Variants in MSH3 observed in about 807,000 individuals in gnomAD.
MSH3 encodes the protein DNA mismatch repair protein Msh3.
In MSH3, 106 loss-of-function variants were observed where a neutral mutation model predicts 123.3. The observed-to-expected ratio is 0.86, with a 90% CI of 0.73 to 1.01. MSH3 has a LOEUF of 1.01. Ranked by LOEUF, MSH3 falls within the 50% of genes least tolerant of loss-of-function variation. The probability of loss-of-function intolerance (pLI) is 0.00; values close to 1 mark genes in which losing one functional copy is unlikely to be tolerated. For synonymous variants in MSH3, 515 were observed against 481.4 expected, an observed-to-expected ratio of 1.07 and a Z score of -0.91; for missense variants, 1,459 against 1,347.6, an observed-to-expected ratio of 1.08 and a Z score of -1.29.
intron 20 of MSH3, among the ~76,000 whole-genome samples, chr5:80,827,467 G>A (rs1278736064): frequency 6.6e-6 from 1 of 152,234 alleles, no homozygotes; most frequent in Non-Finnish European, 1.5e-5. Flanking sequence ...ATTGAGCACT[G>A]ACTGTGGAGT....
At chr5:80,846,663 A>T (rs895514933) in intron 20 of MSH3, among the ~76,000 whole-genome samples, 1 of 152,126 alleles carries the variant, frequency 6.6e-6, no homozygotes, top group African/African-American at 2.4e-5. Context: ...TCGCAGGTTG[A>T]TCTCAGACTG....
rs576051639 is a variant in MSH3 at position 80,694,774 on chromosome 5, G to A, written c.1340+15681G>A. On this transcript the variant is annotated intron_variant, in intron 8 of 23. Transcript: ENST00000265081. Reference sequence around the variant, plus strand: ...TTCTGGGTTGACAATTATTTTTTCAGCACTTGAAAAATATTTTGCCACTTC... The same window carrying A: ...TTCTGGGTTGACAATTATTTTTTCAACACTTGAAAAATATTTTGCCACTTC... Among the ~76,000 whole-genome samples, 192 of 151,822 alleles carry A rather than the reference G, an allele frequency of 1.3e-3. 2 individuals carry two copies. The highest frequency in any genetic ancestry group is 4.5e-3 in the African/African-American group (187 of 41,422).
chr5:80,872,450 CAG>C (rs1188340039), intron 22 of MSH3, among the ~76,000 whole-genome samples: 1 of 151,418 alleles, frequency 6.6e-6, no homozygotes, highest in African/African-American at 2.4e-5. Context: ...GCATGGATGA[CAG>C]AGTCAGACCC....
At chr5:80,808,126 A>G (rs999802493) in intron 19 of MSH3, among the ~76,000 whole-genome samples, 9 of 152,166 alleles carry the variant, frequency 5.9e-5, no homozygotes, top group African/African-American at 1.4e-4. Flanking sequence ...CTTTTTTACA[A>G]TAGTCTTCTA....
At chr5:80,866,016 T>C (rs1746092097) in intron 22 of MSH3, among the ~76,000 whole-genome samples, 1 of 152,234 alleles carries the variant, frequency 6.6e-6, no homozygotes, top group African/African-American at 2.4e-5. Flanking sequence ...ACAAAGAGAA[T>C]AGAGTTCACC....
At chr5:80,715,504 G>C (rs1411716738) in intron 8 of MSH3, 1 of 152,198 alleles carries the variant, frequency 6.6e-6, no homozygotes, top group African/African-American at 2.4e-5. Flanking sequence ...AGTGGTGGGT[G>C]GGGGGTGGTA....
chr5:80,817,759 GA>G (rs1745131109), intron 20 of MSH3, among the ~76,000 whole-genome samples: 1 of 152,028 alleles, frequency 6.6e-6, no homozygotes, highest in Non-Finnish European at 1.5e-5. Context: ...AACCAAGCAG[GA>G]ATGACAAGAA....
chr5:80,869,821 TATACATATATACATATATATAC>T lies in MSH3; in HGVS notation c.3131-3293_3131-3272del, dbSNP rs1164554062. 4.3e-3 allele frequency among the ~76,000 whole-genome samples: 232 copies of T among 54,266 alleles called. 3 individuals carry two copies. Among genetic ancestry groups the T allele is most frequent in the African/African-American group, 0.015 (210 of 13,898 alleles). The allele number at this position is 54,266 out of a possible 152,430, so 35.6% of individuals were successfully genotyped here. On this transcript the variant is annotated intron_variant, in intron 22 of 23. Coordinates refer to ENST00000265081, the MANE Select transcript of MSH3 (RefSeq NM_002439.5). The stretch of plus-strand genomic sequence containing the variant: ...ATATATATACATATATACATATATA[TATACATATATACATATATATAC>T]ACACACACACACACACACACTATAT...
chr5:80,872,979 G>T, intron 22 of MSH3, 137 bp from the exon 23 acceptor site: 1 of 779,696 alleles, frequency 1.3e-6, no homozygotes, highest in South Asian at 1.6e-5. Context: ...TTGATAAATG[G>T]ATCTAACAGG....
chr5:80,830,992 T>A (rs3776978), intron 20 of MSH3, among the ~76,000 whole-genome samples: 21,506 of 152,168 alleles, frequency 0.14, 1,563 homozygotes, highest in East Asian at 0.24. Flanking sequence ...AGAGAAACTT[T>A]TTTTTCTATT....
At chr5:80,792,884 C>A in intron 19 of MSH3, 40 bp downstream of exon 19, 1 of 1,315,762 alleles carries the variant, frequency 7.6e-7, no homozygotes, top group Non-Finnish European at 1.1e-6. Flanking sequence ...ATGATAACAT[C>A]CCAAACTTTT....
intron 8 of MSH3, among the ~76,000 whole-genome samples, chr5:80,684,925 GTTTT>G (rs1042676653): frequency 2.0e-5 from 3 of 150,304 alleles, no homozygotes; most frequent in Non-Finnish European, 4.4e-5. Flanking sequence ...ATGATTATGT[GTTTT>G]TTTTTCTTCA....
chr5:80,784,055 C>T (rs956431985), intron 17 of MSH3, among the ~76,000 whole-genome samples: 3 of 151,372 alleles, frequency 2.0e-5, no homozygotes, highest in African/African-American at 7.3e-5. Flanking sequence ...ACTAAAAGTA[C>T]AAAAATTTGC....
intron 8 of MSH3, among the ~76,000 whole-genome samples, chr5:80,723,260 A>G (rs1346875731): frequency 6.6e-6 from 1 of 152,184 alleles, no homozygotes; most frequent in Non-Finnish European, 1.5e-5. Flanking sequence ...CACTTTAGAT[A>G]TAGATGCCAA....
At chr5:80,707,278 G>A (rs1377718713) in intron 8 of MSH3, among the ~76,000 whole-genome samples, 1 of 152,140 alleles carries the variant, frequency 6.6e-6, no homozygotes, top group Non-Finnish European at 1.5e-5. Context: ...TTATTTACTT[G>A]CTGAACATTT....
chr5:80,736,530 T>C (rs922341542), intron 10 of MSH3, among the ~76,000 whole-genome samples: 1 of 152,202 alleles, frequency 6.6e-6, no homozygotes, highest in Non-Finnish European at 1.5e-5. Flanking sequence ...AAGGCCTTCC[T>C]GCAAGCTTGG....
intron 20 of MSH3, among the ~76,000 whole-genome samples, chr5:80,833,242 A>C (rs1444355552): frequency 6.6e-6 from 1 of 151,960 alleles, no homozygotes; most frequent in Non-Finnish European, 1.5e-5. Context: ...CTGTCTACTC[A>C]GGGCAAACTA....
rs1159833921 is a variant in MSH3 at position 80,811,622 on chromosome 5, ATTTC to A, written c.2656-1955_2656-1952del. Among the ~76,000 whole-genome samples, 6 of 152,146 alleles carry A rather than the reference ATTTC, an allele frequency of 3.9e-5. No individual in the cohort carries two copies. In the East Asian group the frequency reaches 1.2e-3, roughly 29 times the overall value. ...GAAGAATTTTTGTAATATTCGTGCT[ATTTC>A]TTTCTTAAATGTTTGCAAGAATTCA... On this transcript the variant is annotated intron_variant, in intron 19 of 23. Coordinates refer to ENST00000265081, the MANE Select transcript of MSH3 (RefSeq NM_002439.5).
intron 20 of MSH3, among the ~76,000 whole-genome samples, chr5:80,838,012 A>G (rs1260428139): frequency 6.6e-6 from 1 of 152,216 alleles, no homozygotes; most frequent in African/African-American, 2.4e-5. Context: ...GGCCCTCTCA[A>G]CATGACAGTG....
Sources: allele counts gnomAD v4.1 joint callset (sites outside exome capture counted in the v4.1 genomes callset), GRCh38; gene constraint gnomAD v4.1.1; transcripts MANE v1.5; gene names NCBI Gene and HGNC (gene_info 2026-07-23, HGNC 2026-07-21).